Variants in DENR observed in about 807,000 individuals in gnomAD.
DENR encodes density-regulated protein.
A neutral mutation model predicts 30.6 loss-of-function variants in DENR; 6 were observed. That is an observed-to-expected ratio of 0.20 (90% CI 0.11 to 0.39). The LOEUF (loss-of-function observed/expected upper bound fraction) is 0.39, where lower values mean the gene tolerates loss of function less well. Among genes scored for constraint, DENR ranks in the 10% least tolerant of loss-of-function variants. DENR has a pLI of 1.00. For missense variants in DENR, 141 were observed against 230.9 expected (o/e 0.61, Z 2.52); for synonymous variants, 78 against 72.1 (o/e 1.08, Z -0.41).
chr12:122,760,404 G>T (rs993675211), intron 2 of DENR, among the ~76,000 whole-genome samples: 5 of 152,084 alleles, frequency 3.3e-5, no homozygotes, highest in African/African-American at 1.2e-4. Context: ...CAGGATATTG[G>T]ACACACTGAA....
chr12:122,769,903 G>A lies in DENR; in HGVS notation c.*825G>A, dbSNP rs1319573317. On this transcript the variant is annotated 3_prime_UTR_variant, in exon 8 of 8. Coordinates refer to ENST00000280557, the MANE Select transcript of DENR (RefSeq NM_003677.5). ...TTGATAATTTTACTGATCTAAAGCTGAGTGATTTTTTAAAAGAATTTGAAT... is the reference window on the plus strand; with the variant it reads ...TTGATAATTTTACTGATCTAAAGCTAAGTGATTTTTTAAAAGAATTTGAAT... The A allele has an allele frequency of 2.0e-5, 3 of 152,454 alleles. No homozygotes were observed. Among genetic ancestry groups the A allele is most frequent in the Non-Finnish European group, 4.4e-5 (3 of 68,036 alleles). The allele number at this position is 152,454 out of a possible 1,614,324, so 9.4% of individuals were successfully genotyped here.
At chr12:122,756,492 C>A (rs1366530788) in intron 2 of DENR, among the ~76,000 whole-genome samples, 1 of 152,098 alleles carries the variant, frequency 6.6e-6, no homozygotes, top group Middle Eastern at 3.2e-3. Context: ...GGACTAATAG[C>A]TGCAGTGTCA....
At chr12:122,764,743 C>T (rs1318429870) in intron 4 of DENR, among the ~76,000 whole-genome samples, 1 of 152,218 alleles carries the variant, frequency 6.6e-6, no homozygotes, top group African/African-American at 2.4e-5. Flanking sequence ...GGTCTGGGAA[C>T]AGGCCTGCTC....
intron 1 of DENR, 134 bp from the exon 2 acceptor site, chr12:122,753,559 T>C: frequency 1.5e-6 from 1 of 668,058 alleles, no homozygotes; most frequent in Non-Finnish European, 2.7e-6. Flanking sequence ...ATGAATCGAA[T>C]GCAGCTTGTA....
chr12:122,759,288 A>G (rs1878634733), intron 2 of DENR, among the ~76,000 whole-genome samples: 1 of 152,264 alleles, frequency 6.6e-6, no homozygotes, highest in Non-Finnish European at 1.5e-5. Context: ...GGTGACGGCT[A>G]AATGTTTGCA....
chr12:122,757,061 C>T (rs75876669), intron 2 of DENR, among the ~76,000 whole-genome samples: 19,989 of 152,104 alleles, frequency 0.13, 2,248 homozygotes, highest in African/African-American at 0.29. Flanking sequence ...TTTAGTATTG[C>T]TGGAGTGCTT....
intron 4 of DENR, among the ~76,000 whole-genome samples, chr12:122,763,716 A>T (rs185139387): frequency 4.5e-4 from 68 of 152,306 alleles, no homozygotes; most frequent in South Asian, 1.7e-3. Context: ...AAACAAAATT[A>T]AAAAAAGTAA....
At chr12:122,761,139 C>T (rs1018703465) in intron 2 of DENR, among the ~76,000 whole-genome samples, 2 of 151,946 alleles carry the variant, frequency 1.3e-5, no homozygotes, top group East Asian at 1.9e-4. Flanking sequence ...AGGCCAGGTG[C>T]GGTGGCTCAT....
At chr12:122,768,991 T>C (rs754193468) in intron 7 of DENR, 43 bp from the exon 8 acceptor site, 3 of 1,608,456 alleles carry the variant, frequency 1.9e-6, no homozygotes, top group East Asian at 2.2e-5. Context: ...TTTTTCTTAA[T>C]TGCAACCACA....
intron 2 of DENR, chr12:122,754,323 A>T (rs1037956822): frequency 6.3e-6 from 1 of 158,262 alleles, no homozygotes; most frequent in African/African-American, 2.4e-5. Flanking sequence ...CAGTGAGGAA[A>T]GTCTTCTTGG....
In DENR at chr12:122,762,213, T is replaced by G; in HGVS notation, c.126+7T>G. The G allele has an allele frequency of 7.0e-7, 1 of 1,421,228 alleles. No homozygotes were observed. Among genetic ancestry groups the G allele is most frequent in the Non-Finnish European group, 9.6e-7 (1 of 1,046,656 alleles). The allele number at this position is 1,421,228 out of a possible 1,614,324, so 88.0% of individuals were successfully genotyped here. Reference sequence around the variant, plus strand: ...CTGTTCATTACCAACAGAGGTAAGTTCTTTAATTTTTTTTTTTACCTTATG... The same window carrying G: ...CTGTTCATTACCAACAGAGGTAAGTGCTTTAATTTTTTTTTTTACCTTATG... On this transcript the variant is annotated splice_region_variant and intron_variant, in intron 3 of 7. Coordinates refer to ENST00000280557, the MANE Select transcript of DENR (RefSeq NM_003677.5).
intron 6 of DENR, 52 bp from the exon 7 acceptor site, chr12:122,768,730 C>A: frequency 2.1e-6 from 3 of 1,453,110 alleles, no homozygotes; most frequent in Non-Finnish European, 2.8e-6. Flanking sequence ...GGAAAAACAT[C>A]TTTGCACAAT....
At position 122,753,779 on chromosome 12, in the gene DENR, T is replaced by C; in HGVS notation, c.78T>C (p.Asp26=). 2 of 1,614,006 alleles carry C rather than the reference T, an allele frequency of 1.2e-6. No individual in the cohort carries two copies. The highest frequency in any genetic ancestry group is 1.7e-6 in the Non-Finnish European group (2 of 1,179,884). The change falls in exon 2 of 8, where the codon GAT becomes GAC. Residue 26 remains aspartate, a synonymous_variant. Coordinates refer to ENST00000280557, the MANE Select transcript of DENR (RefSeq NM_003677.5). ...GGAACAGTGCCAAGTTAGATGCCGA[T>C]TACCCACTTCGAGTCCTTTATTGTG... ...DPRNSAKLDA[D]YPLRVLYCGV...
At chr12:122,753,460 C>T (rs1284923815) in intron 1 of DENR, among the ~76,000 whole-genome samples, 1 of 152,140 alleles carries the variant, frequency 6.6e-6, no homozygotes, top group Non-Finnish European at 1.5e-5. Context: ...GTGAGTCCCT[C>T]TGCCCCATCC....
chr12:122,767,383 A>G (rs1878877548), intron 5 of DENR, 105 bp from the exon 6 acceptor site: 7 of 712,842 alleles, frequency 9.8e-6, no homozygotes, highest in Admixed American at 6.5e-5. Flanking sequence ...TAATTTTTGT[A>G]TTAGAGAAAA....
intron 4 of DENR, 88 bp downstream of exon 4, chr12:122,763,017 T>C: frequency 1.4e-6 from 1 of 735,158 alleles, no homozygotes; most frequent in Non-Finnish European, 2.3e-6. Context: ...AAGTCCTCCT[T>C]TAGTAGGATA....
chr12:122,760,593 C>T (rs1878672336), intron 2 of DENR, among the ~76,000 whole-genome samples: 1 of 151,998 alleles, frequency 6.6e-6, no homozygotes, highest in African/African-American at 2.4e-5. Context: ...TAGCCGGGCG[C>T]GGTGGCGGGC....
Position 122,753,725 on chromosome 12 carries a change from C to T in DENR, c.24C>T (p.Ser8=), listed in dbSNP as rs764714925. The change falls in exon 2 of 8, where the codon TCC becomes TCT. Residue 8 remains serine, a synonymous_variant. Transcript: ENST00000280557. ...AAATGGCTGCTGACATTTCTGAATC[C>T]AGCGGGGCTGACTGCAAAGGAGACC... The part of the protein sequence containing the change: MAADISE[S]SGADCKGDPR... 6.2e-7 allele frequency: 1 copy of T among 1,613,840 alleles called. No individual in the cohort carries two copies. Among genetic ancestry groups the T allele is most frequent in the Non-Finnish European group, 8.5e-7 (1 of 1,179,890 alleles).
chr12:122,756,542 C>T (rs1878555233), intron 2 of DENR, among the ~76,000 whole-genome samples: 1 of 152,104 alleles, frequency 6.6e-6, no homozygotes, highest in African/African-American at 2.4e-5. Context: ...TAGGGGAAGA[C>T]TTCATAGAGG....
Sources: gnomAD v4.1 joint callset for allele counts (sites outside exome capture counted in the v4.1 genomes callset) on GRCh38, gnomAD v4.1.1 for gene constraint, MANE v1.5 for transcripts, NCBI Gene and HGNC (gene_info 2026-07-23, HGNC 2026-07-21) for gene names.